ZNF846: variants seen among roughly 807,000 people sequenced by gnomAD.
ZNF846 encodes zinc finger protein 420 pseudogene.
Under a neutral mutation model 16.0 loss-of-function variants are expected in ZNF846, and 15 were observed. The ratio of observed to expected loss-of-function variants is 0.94; its 90% CI spans 0.63 to 1.45. ZNF846 has a LOEUF of 1.45. Among genes scored for constraint, ZNF846 ranks in the 40% most tolerant of loss-of-function variants. The pLI is 0.00. For synonymous variants in ZNF846, 229 were observed against 212.0 expected, an observed-to-expected ratio of 1.08 and a Z score of -0.70; for missense variants, 714 against 622.3, an observed-to-expected ratio of 1.15 and a Z score of -1.57.
exon 3 of ZNF846, chr19:9,763,332 T>C: frequency 6.2e-7 from 1 of 1,611,226 alleles, no homozygotes; most frequent in Non-Finnish European, 8.5e-7. Flanking sequence ...TCTGTAGAGA[T>C]CTCTCTGGGC....
chr19:9,757,552 T>TA lies in ZNF846; in HGVS notation c.1524dup (p.Lys509Ter), dbSNP rs2145190825. On this transcript the variant is annotated frameshift_variant, in exon 6 of 6. Transcript: ENST00000397902. LOFTEE classifies it low-confidence loss of function (END_TRUNC). ...TGAGTGAAGTTTTTCCCACATTTCTTACATTCATATGGTTTTGCTCCAGTG... is the reference window on the plus strand; with the variant it reads ...TGAGTGAAGTTTTTCCCACATTTCTTAACATTCATATGGTTTTGCTCCAGTG... 1 of 1,612,758 alleles carries TA rather than the reference T, an allele frequency of 6.2e-7. No homozygotes were observed. Among genetic ancestry groups the TA allele is most frequent in the Non-Finnish European group, 8.5e-7 (1 of 1,179,774 alleles).
chr19:9,763,185 G>T, intron 3 of ZNF846, 97 bp downstream of exon 3: 2 of 1,141,252 alleles, frequency 1.8e-6, no homozygotes, highest in Non-Finnish European at 2.4e-6. Flanking sequence ...CAAGGTCCAT[G>T]CCTGTCTTGC....
At chr19:9,757,132 T>C (rs2045144601), downstream of ZNF846, among the ~76,000 whole-genome samples, 1 of 151,096 alleles carries the variant, frequency 6.6e-6, no homozygotes, top group Non-Finnish European at 1.5e-5. Flanking sequence ...GAGGCAGAGG[T>C]TGCAGTGGGC....
exon 6 of ZNF846, chr19:9,757,795 C>T (rs762041174): frequency 1.2e-6 from 2 of 1,613,580 alleles, no homozygotes; most frequent in African/African-American, 1.3e-5. Flanking sequence ...AAAGCTTTCC[C>T]ACATTCTTTG....
At chr19:9,770,104 T>C (rs1371973922), upstream of ZNF846, among the ~76,000 whole-genome samples, 1 of 152,198 alleles carries the variant, frequency 6.6e-6, no homozygotes, top group African/African-American at 2.4e-5. Context: ...ACAATTAACC[T>C]GTTTAAAGTG....
chr19:9,766,308 G>A (rs1301103724), intron 1 of ZNF846, among the ~76,000 whole-genome samples: 10 of 151,570 alleles, frequency 6.6e-5, no homozygotes, highest in Admixed American at 6.6e-4. Context: ...CAGCTACTCG[G>A]GAGGCTAAGG....
Position 9,758,163 on chromosome 19 carries a change from C to T in ZNF846, c.914G>A (p.Ser305Asn), listed in dbSNP as rs765986589. Residue 305 changes from serine to asparagine, a missense_variant, in exon 6 of 6, where the codon AGT (serine) becomes AAT (asparagine). Transcript: ENST00000397902. ...CATACATACATAGGGCTTCTTTCCA[C>T]TGTGGATTCTTGTATGATCAGTAAG... 10 of 1,613,294 alleles carry T rather than the reference C, an allele frequency of 6.2e-6. No individual in the cohort carries two copies. The highest frequency in any genetic ancestry group is 3.3e-5 in the Admixed American group (2 of 60,016).
chr19:9,782,462 T>C (rs2145323542), intron 1 of ZNF846, among the ~76,000 whole-genome samples: 1 of 152,066 alleles, frequency 6.6e-6, no homozygotes, highest in Middle Eastern at 3.4e-3. Flanking sequence ...GGGGTCTTGC[T>C]AGGTTGCCCA....
intron 2 of ZNF846, among the ~76,000 whole-genome samples, chr19:9,763,617 C>T (rs2045266654): frequency 6.6e-6 from 1 of 152,252 alleles, no homozygotes; most frequent in Admixed American, 6.5e-5. Context: ...GATCTTCCTA[C>T]AGCTTTACAA....
intron 1 of ZNF846, among the ~76,000 whole-genome samples, chr19:9,767,771 C>T (rs945467300): frequency 4.6e-5 from 7 of 152,068 alleles, no homozygotes; most frequent in African/African-American, 2.4e-5. Context: ...CCCGTCTCTA[C>T]TAAAAATGCA....
chr19:9,774,702 C>A, intron 1 of ZNF846: 1 of 1,509,928 alleles, frequency 6.6e-7, no homozygotes, highest in South Asian at 1.1e-5. Context: ...CCAAAGATCA[C>A]ATTTAAAACA....
chr19:9,759,943 C>A lies in ZNF846; in HGVS notation c.230-1G>T. On this transcript the variant is annotated splice_acceptor_variant, in intron 4 of 5. Transcript: ENST00000397902. LOFTEE classifies it high-confidence loss of function. ...TTGGTTTTGAGTTGCAAATCCAATT[C>A]TGAAATAAAGTGAAAAATGCAGCTT... 1 of 1,611,358 alleles carries A rather than the reference C, an allele frequency of 6.2e-7. No homozygotes were observed. The highest frequency in any genetic ancestry group is 8.5e-7 in the Non-Finnish European group (1 of 1,178,908).
chr19:9,778,252 CAAG>C (rs2045467032), intron 1 of ZNF846, among the ~76,000 whole-genome samples: 1 of 151,936 alleles, frequency 6.6e-6, no homozygotes, highest in Non-Finnish European at 1.5e-5. Context: ...AAAAAGAAAC[CAAG>C]AAGAAATTCT....
chr19:9,775,007 A>G, intron 1 of ZNF846: 1 of 1,540,022 alleles, frequency 6.5e-7, no homozygotes, highest in South Asian at 1.2e-5. Context: ...GGCCCCATGC[A>G]GTGCATTCAG....
At chr19:9,753,999 G>A (rs1355554035), downstream of ZNF846, among the ~76,000 whole-genome samples, 3 of 151,572 alleles carry the variant, frequency 2.0e-5, no homozygotes, top group Admixed American at 2.0e-4. Context: ...CAATTGTTAT[G>A]CAGAATTGTC....
chr19:9,759,244 C>T lies in ZNF846; in HGVS notation c.313-480G>A, dbSNP rs561294305. Among the ~76,000 whole-genome samples the T allele has an allele frequency of 3.3e-4, 50 of 151,914 alleles. 1 individual carries two copies. Among genetic ancestry groups the T allele is most frequent in the Middle Eastern group, 3.4e-3 (1 of 294 alleles). ...AACTCCTGGCCTCAAGTGATCTGCC[C>T]GCTTTGGCCTCCCAAAGTGCTGGGA... On this transcript the variant is annotated intron_variant, in intron 5 of 5. Coordinates refer to ENST00000397902, the Ensembl canonical transcript of ZNF846.
intron 1 of ZNF846, among the ~76,000 whole-genome samples, chr19:9,782,441 G>C (rs1022320091): frequency 5.3e-5 from 8 of 151,882 alleles, no homozygotes; most frequent in African/African-American, 1.7e-4. Flanking sequence ...TTAATTTTTT[G>C]TTCCAGAGAT....
downstream of ZNF846, among the ~76,000 whole-genome samples, chr19:9,754,212 T>C (rs2045111913): frequency 6.6e-6 from 1 of 151,648 alleles, no homozygotes; most frequent in Non-Finnish European, 1.5e-5. Flanking sequence ...TAGGTTACTA[T>C]TTACATGGAA....
chr19:9,780,430 A>C (rs1056372983), intron 1 of ZNF846, among the ~76,000 whole-genome samples: 4 of 151,986 alleles, frequency 2.6e-5, no homozygotes, highest in African/African-American at 9.7e-5. Flanking sequence ...AACAGTCTTA[A>C]ATTTTCATCA....
Sources: gnomAD v4.1 joint callset for allele counts (sites outside exome capture counted in the v4.1 genomes callset) on GRCh38, gnomAD v4.1.1 for gene constraint, MANE v1.5 for transcripts, NCBI Gene and HGNC (gene_info 2026-07-23, HGNC 2026-07-21) for gene names.